Variants in TNN observed in about 807,000 individuals in gnomAD.
The protein encoded by TNN is tenascin N, also known as tenascin-N.
In TNN, 122 loss-of-function variants were observed where a neutral mutation model predicts 134.4. That is an observed-to-expected ratio of 0.91 (90% CI 0.78 to 1.06). TNN has a LOEUF of 1.06. TNN is among the 50% of genes least tolerant of loss of function. TNN has a pLI of 0.00. For missense variants in TNN, 1,739 were observed against 1,699.4 expected (o/e 1.02, Z -0.41); for synonymous variants, 710 against 670.3 (o/e 1.06, Z -0.91).
At chr1:175,139,493 G>C (rs10912895) in intron 17 of TNN, among the ~76,000 whole-genome samples, 3 of 152,030 alleles carry the variant, frequency 2.0e-5, no homozygotes, top group African/African-American at 7.3e-5. Flanking sequence ...TTCCACCTCC[G>C]CATCTTGTCC....
chr1:175,133,390 C>T (rs1675722746), intron 15 of TNN, among the ~76,000 whole-genome samples: 1 of 152,230 alleles, frequency 6.6e-6, no homozygotes, highest in South Asian at 2.1e-4. Context: ...GTCCATATCT[C>T]ACACTGACAC....
rs1675253706 is a variant in TNN, at chr1:175,118,612, C to A, written c.2438C>A (p.Ala813Asp). Residue 813 changes from alanine (A) to aspartate (D), a missense_variant, in exon 11 of 19, where the codon GCC (alanine) becomes GAC (aspartate). Coordinates refer to ENST00000239462, the MANE Select transcript of TNN (RefSeq NM_022093.2). ...LVTDWVTENT[A>D]TVSWDPVQAT... ...ACTGACTGGGTGACAGAGAATACAG[C>A]CACTGTCTCCTGGGACCCGGTGCAG... is the stretch of plus-strand genomic sequence containing the variant. 3.1e-6 allele frequency: 5 copies of A among 1,614,054 alleles called. No homozygotes were observed. The highest frequency in any genetic ancestry group is 4.2e-6 in the Non-Finnish European group (5 of 1,180,034).
At chr1:175,073,935 T>C (rs761751405) in intron 1 of TNN, among the ~76,000 whole-genome samples, 2 of 152,206 alleles carry the variant, frequency 1.3e-5, no homozygotes, top group African/African-American at 2.4e-5. Context: ...GCTCGGGCCC[T>C]GAACTGCCCT....
chr1:175,074,484 GAAAAAAAAAA>G (rs55952749), intron 1 of TNN, among the ~76,000 whole-genome samples: 55,882 of 119,400 alleles, frequency 0.47, 12,446 homozygotes, highest in African/African-American at 0.62. Context: ...GATCCTGTCT[GAAAAAAAAAA>G]AAAAAAAAAA....
At position 175,079,504 on chromosome 1, in the gene TNN, G is replaced by A; in HGVS notation, c.581G>A (p.Gly194Asp). Residue 194 changes from glycine to aspartate, a missense_variant, in exon 3 of 19, where the codon GGT (glycine) becomes GAT (aspartate). Transcript: ENST00000239462. The stretch of plus-strand genomic sequence containing the variant: ...TGCCTGTGCCATGAGCCCTACGTGG[G>A]TGCCGACTGCGGCTACCCGGCCTGC... ...GRCLCHEPYVGADCGYPACPE... is the reference protein window; with the variant it reads ...GRCLCHEPYVDADCGYPACPE... The A allele has an allele frequency of 6.4e-7, 1 of 1,562,260 alleles. No homozygotes were observed. Among genetic ancestry groups the A allele is most frequent in the Middle Eastern group, 1.7e-4 (1 of 6,006 alleles).
intron 9 of TNN, among the ~76,000 whole-genome samples, chr1:175,111,859 T>C (rs1675036532): frequency 6.6e-6 from 1 of 152,194 alleles, no homozygotes; most frequent in South Asian, 2.1e-4. Flanking sequence ...CGTGAAACTT[T>C]ATTGAATTTA....
At chr1:175,077,856 C>T (rs1574139589) in intron 2 of TNN, 29 bp downstream of exon 2, 1 of 1,592,604 alleles carries the variant, frequency 6.3e-7, no homozygotes, top group Admixed American at 1.7e-5. Flanking sequence ...ATTCATTCAA[C>T]AAACATTTGA....
In TNN at chr1:175,094,164, G is replaced by A. The variant is rs748444947; in HGVS notation, c.1499G>A (p.Gly500Asp). The A allele has an allele frequency of 5.6e-6, 9 of 1,614,016 alleles. No individual in the cohort carries two copies. In the African/African-American group the frequency reaches 9.3e-5, roughly 17 times the overall value. The change falls in exon 7 of 19, where the codon GGC becomes GAC. Residue 500 changes from glycine (G) to aspartate (D), a missense_variant. Physicochemically the swap from Gly to Asp is moderately conservative, Grantham distance 94. Coordinates refer to ENST00000239462, the MANE Select transcript of TNN (RefSeq NM_022093.2). The part of the protein sequence containing the change: ...HKDESSTVLT[G>D]LKPGEAYKVY... ...GATGAGAGCAGCACTGTCCTGACGG[G>A]CCTGAAGCCAGGAGAGGCATACAAG...
rs542500576 is a variant in TNN, at chr1:175,106,533, T to C, written c.2119+7938T>C. ...GAGTTTATACTAGAAATCATTCTTA[T>C]AGGAGAAACTAGAAAAGCACCAGAG... On this transcript the variant is annotated intron_variant, in intron 9 of 18. Coordinates refer to ENST00000239462, the MANE Select transcript of TNN (RefSeq NM_022093.2). Among the ~76,000 whole-genome samples the C allele has an allele frequency of 1.9e-4, 27 of 145,892 alleles. 7 individuals carry two copies. The East Asian group carries it at 5.8e-3, about 31-fold the overall frequency.
At chr1:175,080,497 A>T in intron 4 of TNN, 71 bp downstream of exon 4, 1 of 1,567,702 alleles carries the variant, frequency 6.4e-7, no homozygotes, top group Non-Finnish European at 8.7e-7. Flanking sequence ...TTCATTAAAC[A>T]CCTGTAGGCA....
chr1:175,134,276 C>T (rs935668798), intron 15 of TNN, among the ~76,000 whole-genome samples: 1 of 152,126 alleles, frequency 6.6e-6, no homozygotes, highest in African/African-American at 2.4e-5. Flanking sequence ...CTGTACTTGG[C>T]CAGGCGCAGT....
intron 1 of TNN, among the ~76,000 whole-genome samples, chr1:175,073,417 C>G (rs1049621563): frequency 1.3e-5 from 2 of 152,168 alleles, no homozygotes; most frequent in Non-Finnish European, 2.9e-5. Context: ...TCCCACTCCC[C>G]CCATCTTCTG....
chr1:175,128,565 C>G (rs1675589862), intron 14 of TNN, 30 bp from the exon 15 acceptor site: 1 of 1,587,492 alleles, frequency 6.3e-7, no homozygotes, highest in Non-Finnish European at 8.6e-7. Flanking sequence ...TGCCCTTGTC[C>G]TAACAACACT....
In TNN at chr1:175,098,504, A is replaced by G. The variant is rs1368168634; in HGVS notation, c.2028A>G (p.Thr676=). The G allele has an allele frequency of 6.2e-7, 1 of 1,614,160 alleles. No individual in the cohort carries two copies. Among genetic ancestry groups the G allele is most frequent in the South Asian group, 1.1e-5 (1 of 91,064 alleles). ...VGKEQSSTVL[T]GLRPGMEYMV... ...AGGAGCAGAGCAGCACAGTCCTGAC[A>G]GGCCTGAGACCGGGTATGGAGTACA... Residue 676 remains threonine (T), a synonymous_variant, in exon 9 of 19, where the codon ACA becomes ACG. Transcript: ENST00000239462.
At chr1:175,142,988 G>A (rs1675974378) in intron 17 of TNN, among the ~76,000 whole-genome samples, 1 of 152,182 alleles carries the variant, frequency 6.6e-6, no homozygotes, top group African/African-American at 2.4e-5. Flanking sequence ...AAGAGCCATT[G>A]ATAGATAGCT....
chr1:175,132,095 G>T (rs1415150283), intron 15 of TNN, among the ~76,000 whole-genome samples: 4 of 152,090 alleles, frequency 2.6e-5, no homozygotes, highest in Non-Finnish European at 5.9e-5. Flanking sequence ...TTGACACGAT[G>T]TATGTGGAGC....
intron 11 of TNN, 24 bp downstream of exon 11, chr1:175,118,848 A>G: frequency 6.2e-7 from 1 of 1,612,850 alleles, no homozygotes; most frequent in South Asian, 1.1e-5. Flanking sequence ...AGAGAAGAGC[A>G]AACCCGGGTA....
chr1:175,097,318 T>G, intron 7 of TNN, 99 bp from the exon 8 acceptor site: 16 of 1,462,010 alleles, frequency 1.1e-5, no homozygotes, highest in East Asian at 2.3e-5. Flanking sequence ...TTAGAGACTC[T>G]GACATTTGTT....
chr1:175,069,937 G>A (rs1003279824), intron 1 of TNN, among the ~76,000 whole-genome samples: 1 of 152,192 alleles, frequency 6.6e-6, no homozygotes, highest in Non-Finnish European at 1.5e-5. Flanking sequence ...AAATTGCAGA[G>A]TTTTTTGTTT....
Sources: allele counts gnomAD v4.1 joint callset (sites outside exome capture counted in the v4.1 genomes callset), GRCh38; gene constraint gnomAD v4.1.1; transcripts MANE v1.5; gene names NCBI Gene and HGNC (gene_info 2026-07-23, HGNC 2026-07-21).